Variants in OSMR observed in about 807,000 individuals in gnomAD.
OSMR encodes oncostatin M receptor, also known as oncostatin-M-specific receptor subunit beta.
OSMR carries 81 observed loss-of-function variants against 99.9 expected under a neutral mutation model. That is an observed-to-expected ratio of 0.81 (90% CI 0.68 to 0.97). The LOEUF (loss-of-function observed/expected upper bound fraction) is 0.97, where lower values mean the gene tolerates loss of function less well. OSMR is among the 50% of genes least tolerant of loss of function. The pLI is 0.00. For missense variants in OSMR, 1,099 were observed against 1,153.4 expected (o/e 0.95, Z 0.68); for synonymous variants, 406 against 410.4 (o/e 0.99, Z 0.13).
At chr5:38,875,550 T>C (rs987297113) in intron 2 of OSMR, among the ~76,000 whole-genome samples, 5 of 152,266 alleles carry the variant, frequency 3.3e-5, no homozygotes, top group Non-Finnish European at 5.9e-5. Context: ...GTCATACCAC[T>C]AACTAGTCTA....
Position 38,876,292 on chromosome 5 carries a change from C to A in OSMR, c.165C>A (p.His55Gln). 6.2e-7 allele frequency: 1 copy of A among 1,613,098 alleles called. No homozygotes were observed. The highest frequency in any genetic ancestry group is 1.7e-4 in the Middle Eastern group (1 of 6,060). ...RQSLHLQWTVHNLPYHQELKM... is the reference protein window; with the variant it reads ...RQSLHLQWTVQNLPYHQELKM... ...GTTTGCACTTACAATGGACTGTCCACAACCTTCCTTATCATCAGGAATTGA... is the reference window on the plus strand; with the variant it reads ...GTTTGCACTTACAATGGACTGTCCAAAACCTTCCTTATCATCAGGAATTGA... Residue 55 changes from histidine to glutamine, a missense_variant, in exon 3 of 18, where the codon CAC becomes CAA. His to Gln is a conservative substitution (Grantham distance 24). Coordinates refer to ENST00000274276, the MANE Select transcript of OSMR (RefSeq NM_003999.3).
chr5:38,869,733 T>C (rs1188013049), intron 2 of OSMR, among the ~76,000 whole-genome samples: 1 of 152,224 alleles, frequency 6.6e-6, no homozygotes, highest in Non-Finnish European at 1.5e-5. Context: ...AATAAGAATT[T>C]AATACCTCTA....
intron 1 of OSMR, among the ~76,000 whole-genome samples, chr5:38,861,979 C>G: frequency 8.1e-6 from 1 of 124,124 alleles, no homozygotes; most frequent in African/African-American, 3.1e-5. Flanking sequence ...GGACTGACCC[C>G]CTCACCTCCC....
chr5:38,888,988 T>C (rs1743977840), intron 7 of OSMR, among the ~76,000 whole-genome samples: 1 of 152,186 alleles, frequency 6.6e-6, no homozygotes, highest in Admixed American at 6.5e-5. Context: ...TGAATTTTAT[T>C]GTTGCATTTT....
intron 3 of OSMR, among the ~76,000 whole-genome samples, chr5:38,881,243 A>T (rs1579693583): frequency 2.0e-5 from 3 of 152,188 alleles, no homozygotes; most frequent in East Asian, 3.9e-4. Flanking sequence ...CTTTTCAAGA[A>T]CTTTCTTAGC....
intron 1 of OSMR, chr5:38,942,430 A>G: frequency 9.7e-7 from 1 of 1,027,504 alleles, no homozygotes; most frequent in Non-Finnish European, 1.4e-6. Flanking sequence ...CAGATGATAT[A>G]ACATATTTAT....
At chr5:38,877,458 A>G (rs1175807599) in intron 3 of OSMR, among the ~76,000 whole-genome samples, 7 of 152,238 alleles carry the variant, frequency 4.6e-5, no homozygotes, top group African/African-American at 1.4e-4. Flanking sequence ...GTTTCCCACA[A>G]TGAGACTTAT....
At chr5:38,913,940 A>G (rs1305649400) in intron 9 of OSMR, among the ~76,000 whole-genome samples, 1 of 152,218 alleles carries the variant, frequency 6.6e-6, no homozygotes, top group Non-Finnish European at 1.5e-5. Context: ...CTGTAACCCC[A>G]TCAGGGCAGG....
At chr5:38,886,435 A>G (rs1743778143) in intron 7 of OSMR, 2 of 1,056,120 alleles carry the variant, frequency 1.9e-6, no homozygotes, top group Middle Eastern at 3.4e-4. Context: ...TAGGACTCTA[A>G]CAATAACTTC....
chr5:38,942,385 A>T (rs1012871655), intron 1 of OSMR: 41 of 1,565,672 alleles, frequency 2.6e-5, no homozygotes, highest in Non-Finnish European at 3.5e-5. Flanking sequence ...GCATCTAGGG[A>T]AAAAATGGTG....
At chr5:38,875,391 T>C (rs1272844196) in intron 2 of OSMR, among the ~76,000 whole-genome samples, 7 of 152,254 alleles carry the variant, frequency 4.6e-5, no homozygotes, top group Admixed American at 6.5e-5. Flanking sequence ...GTGGCAGATA[T>C]ATCTGCTTAA....
intron 7 of OSMR, among the ~76,000 whole-genome samples, chr5:38,900,204 A>G (rs1474303546): frequency 6.6e-6 from 1 of 152,128 alleles, no homozygotes; most frequent in East Asian, 1.9e-4. Context: ...ACTGGGCAAC[A>G]CTGAATTCCA....
downstream of OSMR, chr5:38,945,453 T>C (rs778783810): frequency 1.5e-6 from 2 of 1,375,142 alleles, no homozygotes; most frequent in South Asian, 1.2e-5. Flanking sequence ...ACTTTAGTCA[T>C]CACTAGGTTT....
intron 9 of OSMR, among the ~76,000 whole-genome samples, chr5:38,906,524 G>C (rs1745245944): frequency 6.6e-6 from 1 of 152,028 alleles, no homozygotes; most frequent in Admixed American, 6.6e-5. Context: ...GCACTTTTTT[G>C]TTATAAATAG....
At chr5:38,913,482 G>A (rs989205761) in intron 9 of OSMR, among the ~76,000 whole-genome samples, 8 of 151,712 alleles carry the variant, frequency 5.3e-5, no homozygotes, top group African/African-American at 7.3e-5. Context: ...CCCAGGAGGC[G>A]GAGCTTGCAG....
downstream of OSMR, chr5:38,935,720 C>CTAAA (rs1200918233): frequency 2.0e-5 from 3 of 152,120 alleles, no homozygotes; most frequent in East Asian, 5.8e-4. Context: ...CATGAACTTA[C>CTAAA]TAAATAAAAA....
chr5:38,925,437 G>T (rs897204671), intron 15 of OSMR, 66 bp downstream of exon 15: 3 of 1,378,446 alleles, frequency 2.2e-6, no homozygotes, highest in African/African-American at 2.8e-5. Flanking sequence ...TTACAGAAGT[G>T]TTGACTTAGG....
chr5:38,915,680 AT>A (rs1173262082), intron 9 of OSMR, among the ~76,000 whole-genome samples: 1 of 152,230 alleles, frequency 6.6e-6, no homozygotes, highest in Non-Finnish European at 1.5e-5. Context: ...ATTAGGGGCT[AT>A]GCTAAAATAT....
In OSMR at chr5:38,904,473, A is replaced by G. The variant is rs1745102788; in HGVS notation, c.1255A>G (p.Ser419Gly). The change falls in exon 9 of 18, where the codon AGT (serine) becomes GGT (glycine). Residue 419 changes from serine to glycine, a missense_variant. By Grantham distance (56) the Ser-to-Gly change is moderately conservative. Coordinates refer to ENST00000274276, the MANE Select transcript of OSMR (RefSeq NM_003999.3). ...CCACTTCTGGAAATGGAGTGAATGG[A>G]GTGGTCAGAACTTCACCACACTTGA... The part of the protein sequence containing the change: ...ASHFWKWSEW[S>G]GQNFTTLEAA... 1 of 1,614,156 alleles carries G rather than the reference A, an allele frequency of 6.2e-7. No homozygotes were observed. The highest frequency in any genetic ancestry group is 2.2e-5 in the East Asian group (1 of 44,882).
Sources: gnomAD v4.1 joint callset for allele counts (sites outside exome capture counted in the v4.1 genomes callset) on GRCh38, gnomAD v4.1.1 for gene constraint, MANE v1.5 for transcripts, NCBI Gene and HGNC (gene_info 2026-07-23, HGNC 2026-07-21) for gene names.